The following EXD3 variants were observed in gnomAD, a reference collection of about 807,000 sequenced individuals.
EXD3 encodes the protein exonuclease 3'-5' domain containing 3, also known as exonuclease mut-7 homolog.
Under a neutral mutation model 98.0 loss-of-function variants are expected in EXD3, and 92 were observed. The observed-to-expected ratio is 0.94, with a 90% CI of 0.79 to 1.12. EXD3 has a LOEUF of 1.12. Among genes scored for constraint, EXD3 ranks in the 50% most tolerant of loss-of-function variants. The pLI is 0.00. For synonymous variants in EXD3, 569 were observed against 526.0 expected (o/e 1.08, Z -1.12); for missense variants, 1,222 against 1,191.6 (o/e 1.03, Z -0.38).
chr9:137,374,819 G>A (rs1835813148), intron 3 of EXD3: 1 of 985,526 alleles, frequency 1.0e-6, no homozygotes, highest in Non-Finnish European at 1.2e-6. Context: ...CAAGCATCTG[G>A]AACTTGAAGC....
At chr9:137,341,111 T>C (rs1030368877) in intron 17 of EXD3, among the ~76,000 whole-genome samples, 1 of 151,250 alleles carries the variant, frequency 6.6e-6, no homozygotes, top group African/African-American at 2.4e-5. Flanking sequence ...AGGCCAGGAG[T>C]TCAAGACCAG....
intron 20 of EXD3, among the ~76,000 whole-genome samples, chr9:137,308,002 G>T (rs1238044090): frequency 7.1e-6 from 1 of 140,374 alleles, no homozygotes; most frequent in Non-Finnish European, 1.5e-5. Context: ...CCCACTGCCA[G>T]TGAGTGAATT....
rs375544216 is a variant in EXD3 at position 137,351,005 on chromosome 9, C to T, written c.1494+33G>A. 1.7e-4 allele frequency: 266 copies of T among 1,536,866 alleles called. 1 individual carries two copies. The highest frequency in any genetic ancestry group is 6.5e-4 in the Admixed American group (33 of 50,488). ...GCAGCCCTCGAACCCCAGGCCCACC[C>T]GGCATCTTGTGAGCGGCTCAGTGGG... is the stretch of plus-strand genomic sequence containing the variant. On this transcript the variant is annotated intron_variant, in intron 14 of 21. Coordinates refer to ENST00000340951, the MANE Select transcript of EXD3 (RefSeq NM_017820.5).
rs1564479743 is a variant in EXD3, at chr9:137,329,573, GGGGCTACACGGGA to G, written c.1999-5443_1999-5431del. On this transcript the variant is annotated intron_variant, in intron 17 of 21. Transcript: ENST00000340951. ...TACACGGGACTACACGGGACTACAC[GGGGCTACACGGGA>G]CTACACGGGACTACACGGGGTCACA... 4.6e-3 allele frequency among the ~76,000 whole-genome samples: 184 copies of G among 40,310 alleles called. 1 individual carries two copies. Among genetic ancestry groups the G allele is most frequent in the East Asian group, 0.033 (8 of 244 alleles). The allele number at this position is 40,310 out of a possible 152,430, so 26.4% of individuals were successfully genotyped here.
intron 17 of EXD3, among the ~76,000 whole-genome samples, chr9:137,334,928 T>C (rs1833277094): frequency 6.6e-6 from 1 of 151,656 alleles, no homozygotes; most frequent in Admixed American, 6.6e-5. Context: ...ATACAAAAAA[T>C]GAGCCGGGCA....
intron 19 of EXD3, among the ~76,000 whole-genome samples, chr9:137,320,157 C>A (rs995656164): frequency 6.6e-6 from 1 of 151,900 alleles, no homozygotes; most frequent in Non-Finnish European, 1.5e-5. Context: ...CACACAGAGA[C>A]GCATATGTCT....
chr9:137,396,340 G>T (rs549456272), intron 1 of EXD3, among the ~76,000 whole-genome samples: 1 of 152,170 alleles, frequency 6.6e-6, no homozygotes, highest in African/African-American at 2.4e-5. Context: ...GTCTGCTTAC[G>T]CAAGGCTGCA....
At chr9:137,388,968 G>A (rs1241624995) in intron 2 of EXD3, among the ~76,000 whole-genome samples, 2 of 152,134 alleles carry the variant, frequency 1.3e-5, no homozygotes, top group Non-Finnish European at 2.9e-5. Context: ...CCAGCCCACG[G>A]CCTCAGCTCC....
rs1320021766 is a variant in EXD3 at position 137,405,756 on chromosome 9, T to C, written c.-47-10352A>G. ...ATGTTAGAGTTAGCCTGACTCAGCA[T>C]GAGCCTGGCTTCTCCTGCCGGCCGG... On this transcript the variant is annotated intron_variant, in intron 1 of 21. Transcript: ENST00000340951. This position sits in a 1 kb window ranked among gnomAD's most constrained non-coding sequence, Gnocchi z 4.1. Among the ~76,000 whole-genome samples, 1 of 152,250 alleles carries C rather than the reference T, an allele frequency of 6.6e-6. No homozygotes were observed. Among genetic ancestry groups the C allele is most frequent in the Non-Finnish European group, 1.5e-5 (1 of 68,046 alleles).
At chr9:137,372,416 C>T (rs1019704916) in intron 5 of EXD3, among the ~76,000 whole-genome samples, 19 of 152,348 alleles carry the variant, frequency 1.2e-4, no homozygotes, top group African/African-American at 3.8e-4. Flanking sequence ...TCTGCTCGGC[C>T]CCTCTGGGAG....
At chr9:137,311,758 G>A (rs1371507834) in intron 19 of EXD3, among the ~76,000 whole-genome samples, 1 of 152,224 alleles carries the variant, frequency 6.6e-6, no homozygotes, top group Non-Finnish European at 1.5e-5. Flanking sequence ...GGGCTCCCCA[G>A]CCACAGGGGG....
intron 3 of EXD3, among the ~76,000 whole-genome samples, chr9:137,377,677 C>T (rs193203849): frequency 4.9e-5 from 7 of 141,890 alleles, no homozygotes; most frequent in Middle Eastern, 4.2e-3. Context: ...GCTGAGATTG[C>T]GCCACTGCAC....
chr9:137,402,748 C>T (rs746580241), intron 1 of EXD3, among the ~76,000 whole-genome samples: 5 of 152,120 alleles, frequency 3.3e-5, no homozygotes, highest in South Asian at 4.1e-4. Context: ...TGCGTTAGCC[C>T]GTTTTCACGC....
At chr9:137,375,130 TC>T in intron 3 of EXD3, among the ~76,000 whole-genome samples, 1 of 152,174 alleles carries the variant, frequency 6.6e-6, no homozygotes, top group South Asian at 2.1e-4. Flanking sequence ...TGCCTCAGCC[TC>T]CCGTGTAGCT....
At chr9:137,374,851 C>T (rs1270391007) in intron 3 of EXD3, 1 of 985,428 alleles carries the variant, frequency 1.0e-6, no homozygotes. Context: ...GCTCCAGGAA[C>T]TTAGTCCTAG....
At chr9:137,342,754 G>T (rs779029215) in intron 17 of EXD3, among the ~76,000 whole-genome samples, 8 of 152,198 alleles carry the variant, frequency 5.3e-5, no homozygotes, top group Non-Finnish European at 1.0e-4. Flanking sequence ...AGCAGTGGCA[G>T]CCACGAGATG....
intron 17 of EXD3, among the ~76,000 whole-genome samples, chr9:137,332,327 C>A (rs1448655731): frequency 1.3e-5 from 2 of 152,222 alleles, no homozygotes; most frequent in African/African-American, 2.4e-5. Flanking sequence ...CAGTGGCTCA[C>A]GCCTGTAATC....
At chr9:137,310,797 C>T (rs775044450) in intron 19 of EXD3, among the ~76,000 whole-genome samples, 46 of 152,308 alleles carry the variant, frequency 3.0e-4, no homozygotes, top group Admixed American at 1.1e-3. Flanking sequence ...CTTCCCGTCA[C>T]AGCCCTTCTG....
At chr9:137,313,886 G>A (rs1021399883) in intron 19 of EXD3, among the ~76,000 whole-genome samples, 10 of 152,198 alleles carry the variant, frequency 6.6e-5, no homozygotes, top group African/African-American at 1.9e-4. Flanking sequence ...CCCACCACAC[G>A]AAAGGGTGCC....
Sources: gnomAD v4.1 joint callset for allele counts (sites outside exome capture counted in the v4.1 genomes callset) on GRCh38, gnomAD v4.1.1 for gene constraint, Gnocchi (gnomAD v3.1) non-coding constraint, MANE v1.5 for transcripts, NCBI Gene and HGNC (gene_info 2026-07-23, HGNC 2026-07-21) for gene names.